Variants in ZNF486 observed in about 807,000 individuals in gnomAD.
The protein encoded by ZNF486 is zinc finger protein 486.
Under a neutral mutation model 12.8 loss-of-function variants are expected in ZNF486, and 12 were observed. The ratio of observed to expected loss-of-function variants is 0.94; its 90% confidence interval spans 0.60 to 1.52. The LOEUF (loss-of-function observed/expected upper bound fraction) is 1.52, where lower values mean the gene tolerates loss of function less well. ZNF486 is among the 40% of genes most tolerant of loss of function. The pLI is 0.00. For synonymous variants in ZNF486, 231 were observed against 184.9 expected (o/e 1.25, Z -2.02); for missense variants, 738 against 545.0 (o/e 1.35, Z -3.53).
chr19:20,191,569 A>G (rs368972757), intron 3 of ZNF486, among the ~76,000 whole-genome samples: 1 of 150,546 alleles, frequency 6.6e-6, no homozygotes, highest in African/African-American at 2.4e-5. Flanking sequence ...GGAGATCGAG[A>G]CTCTCCTGGC....
At chr19:20,182,047 CTA>C (rs1278668988) in intron 1 of ZNF486, among the ~76,000 whole-genome samples, 1 of 152,182 alleles carries the variant, frequency 6.6e-6, no homozygotes, top group Non-Finnish European at 1.5e-5. Flanking sequence ...TCAGTTTCCT[CTA>C]TAAACTTTAA....
Position 20,197,795 on chromosome 19 carries a change from C to T in ZNF486, c.1085C>T (p.Ser362Phe), listed in dbSNP as rs202203054. Reference sequence around the variant, plus strand: ...GAATGTGGCAAAGCCTTCACCCGCTCCTCACACCTTACTATGCATAAGATA... The same window carrying T: ...GAATGTGGCAAAGCCTTCACCCGCTTCTCACACCTTACTATGCATAAGATA... Reference protein sequence around the residue: ...CEECGKAFTRSSHLTMHKIIH... With the variant: ...CEECGKAFTRFSHLTMHKIIH... The change falls in exon 4 of 4, where the codon TCC becomes TTC. Residue 362 changes from serine to phenylalanine, a missense_variant. Coordinates refer to ENST00000335117, the MANE Select transcript of ZNF486 (RefSeq NM_052852.4). 42 of 1,613,772 alleles carry T rather than the reference C, an allele frequency of 2.6e-5. No individual in the cohort carries two copies. In the African/African-American group the frequency reaches 3.2e-4, roughly 12 times the overall value.
At chr19:20,191,359 T>C (rs1555717169) in intron 3 of ZNF486, among the ~76,000 whole-genome samples, 7 of 145,592 alleles carry the variant, frequency 4.8e-5, no homozygotes, top group Admixed American at 6.9e-5. Flanking sequence ...CTCAGCTACT[T>C]GGGAGGCTGA....
intron 3 of ZNF486, among the ~76,000 whole-genome samples, chr19:20,196,328 T>A (rs2089957743): frequency 6.6e-6 from 1 of 152,056 alleles, no homozygotes; most frequent in Admixed American, 6.6e-5. Flanking sequence ...CAATTTACTT[T>A]AAAAAAAAAT....
chr19:20,186,642 C>T (rs143583260), intron 3 of ZNF486, among the ~76,000 whole-genome samples: 25 of 151,942 alleles, frequency 1.6e-4, no homozygotes, highest in East Asian at 5.8e-4. Flanking sequence ...TTTAGTATCA[C>T]GTAACTTTTA....
chr19:20,184,381 C>A lies in ZNF486; in HGVS notation c.56C>A (p.Ala19Asp). The A allele has an allele frequency of 2.5e-6, 4 of 1,613,250 alleles. No individual in the cohort carries two copies. The highest frequency in any genetic ancestry group is 3.4e-6 in the Non-Finnish European group (4 of 1,179,604). The change falls in exon 2 of 4, where the codon GCT becomes GAT. Residue 19 changes from alanine to aspartate, a missense_variant. By Grantham distance (126) the Ala-to-Asp change is moderately radical (BLOSUM62 -2). Coordinates refer to ENST00000335117, the MANE Select transcript of ZNF486 (RefSeq NM_052852.4). Reference sequence around the variant, plus strand: ...GAATCATTGCAATTTAGAGATGTGGCTGTAGAATTCTCTCTGGAGGAGTGG... The same window carrying A: ...GAATCATTGCAATTTAGAGATGTGGATGTAGAATTCTCTCTGGAGGAGTGG... ...EMESLQFRDV[A>D]VEFSLEEWHC...
chr19:20,191,068 A>G (rs1316245312), intron 3 of ZNF486, among the ~76,000 whole-genome samples: 1 of 152,192 alleles, frequency 6.6e-6, no homozygotes, highest in African/African-American at 2.4e-5. Flanking sequence ...ATTACTCTTT[A>G]CCTTCCACCA....
chr19:20,171,194 C>G (rs917822221), intron 1 of ZNF486, among the ~76,000 whole-genome samples: 21 of 152,318 alleles, frequency 1.4e-4, no homozygotes, highest in Non-Finnish European at 2.4e-4. Context: ...GAACAAAACT[C>G]TGGGTGTTTG....
chr19:20,198,552 C>T lies in ZNF486; in HGVS notation c.*450C>T, dbSNP rs542209483. 2 of 174,570 alleles carry T rather than the reference C, an allele frequency of 1.1e-5. No homozygotes were observed. The highest frequency in any genetic ancestry group is 4.8e-5 in the African/African-American group (2 of 41,618). 10.8% of individuals were successfully genotyped at this position (174,570 alleles called of 1,614,324 possible). ...TTATTTATTTTTTGAGATGCAGTTT[C>T]ACTCTTGTGACCCGGGCTGTAGTGC... is the stretch of plus-strand genomic sequence containing the variant. On this transcript the variant is annotated 3_prime_UTR_variant, in exon 4 of 4. Transcript: ENST00000335117.
rs1555716051 is a variant in ZNF486 at position 20,184,459 on chromosome 19, A to G, written c.134A>G (p.Asn45Ser). Residue 45 changes from asparagine (N) to serine (S), a missense_variant, in exon 2 of 4, where the codon AAC becomes AGC. Physicochemically the swap from Asn to Ser is conservative, Grantham distance 46 (BLOSUM62 1). Coordinates refer to ENST00000335117, the MANE Select transcript of ZNF486 (RefSeq NM_052852.4). ...QNLYRDVMLE[N>S]YRHLVFLGII... ...TTATATAGGGATGTGATGTTAGAGA[A>G]CTACAGACACCTGGTCTTCCTTGGT... 6.2e-7 allele frequency: 1 copy of G among 1,612,656 alleles called. No homozygotes were observed. Among genetic ancestry groups the G allele is most frequent in the Non-Finnish European group, 8.5e-7 (1 of 1,179,414 alleles).
chr19:20,195,446 G>C (rs2089949071), intron 3 of ZNF486, among the ~76,000 whole-genome samples: 1 of 152,188 alleles, frequency 6.6e-6, no homozygotes, highest in African/African-American at 2.4e-5. Context: ...GGGATTACAG[G>C]AATGAGCCAC....
intron 1 of ZNF486, among the ~76,000 whole-genome samples, chr19:20,169,056 G>A (rs2089616671): frequency 6.6e-6 from 1 of 151,768 alleles, no homozygotes; most frequent in Admixed American, 6.6e-5. Flanking sequence ...GGCCAGGCTG[G>A]TGTCGAACTC....
At chr19:20,186,488 T>C (rs1342456331) in intron 3 of ZNF486, among the ~76,000 whole-genome samples, 1 of 152,148 alleles carries the variant, frequency 6.6e-6, no homozygotes, top group East Asian at 1.9e-4. Context: ...GTATTAGTTT[T>C]TGTTGCATTT....
chr19:20,170,242 A>G lies in ZNF486; in HGVS notation c.30+2882A>G, dbSNP rs184824230. Among the ~76,000 whole-genome samples, 73 of 152,090 alleles carry G rather than the reference A, an allele frequency of 4.8e-4. No homozygotes were observed. The East Asian group carries it at 0.013, about 27-fold the overall frequency. ...TCAGACTGAGGGTAGCTCAAAATTC[A>G]GGAGCCTGAGGGAGGGAGATAAATA... On this transcript the variant is annotated intron_variant, in intron 1 of 3. Transcript: ENST00000335117.
chr19:20,186,070 G>A lies in ZNF486; in HGVS notation c.241G>A (p.Ala81Thr). 1 of 1,586,954 alleles carries A rather than the reference G, an allele frequency of 6.3e-7. No homozygotes were observed. The highest frequency in any genetic ancestry group is 8.6e-7 in the Non-Finnish European group (1 of 1,169,526). Residue 81 changes from alanine to threonine, a missense_variant, in exon 3 of 4, where the codon GCC becomes ACC. Physicochemically the swap from Ala to Thr is moderately conservative, Grantham distance 58. Transcript: ENST00000335117. ...GACTATGAAGAGACATGAGATGATT[G>A]CCAAACCCCCAGGTAGGTGCGAATG... Reference protein sequence around the residue: ...PLTMKRHEMIAKPPVVCSHFA... With the variant: ...PLTMKRHEMITKPPVVCSHFA...
intron 1 of ZNF486, among the ~76,000 whole-genome samples, chr19:20,173,797 A>C (rs973480733): frequency 2.0e-5 from 3 of 151,686 alleles, no homozygotes; most frequent in Non-Finnish European, 4.4e-5. Flanking sequence ...GTGCCACTGC[A>C]CTCCAGCCTG....
chr19:20,173,709 G>T (rs2089674700), intron 1 of ZNF486, among the ~76,000 whole-genome samples: 1 of 152,022 alleles, frequency 6.6e-6, no homozygotes, highest in African/African-American at 2.4e-5. Flanking sequence ...GCGGGCGCCT[G>T]TAGTCCCAGC....
chr19:20,193,005 A>G (rs1211823436), intron 3 of ZNF486, among the ~76,000 whole-genome samples: 1 of 151,070 alleles, frequency 6.6e-6, no homozygotes, highest in Non-Finnish European at 1.5e-5. Flanking sequence ...TACTTTCTTA[A>G]TTTTCATTTT....
In ZNF486 at chr19:20,189,366, G is replaced by A. The variant is rs2089880891; in HGVS notation, c.253+3284G>A. On this transcript the variant is annotated intron_variant, in intron 3 of 3. Coordinates refer to ENST00000335117, the MANE Select transcript of ZNF486 (RefSeq NM_052852.4). Reference sequence around the variant, plus strand: ...ATTACAGGCTTGAGCACCTGGGCCTGGCCTGTGTTACGTATTTTGTAAATA... The same window carrying A: ...ATTACAGGCTTGAGCACCTGGGCCTAGCCTGTGTTACGTATTTTGTAAATA... 2.0e-5 allele frequency among the ~76,000 whole-genome samples: 3 copies of A among 152,236 alleles called. No individual in the cohort carries two copies. The South Asian group carries it at 6.2e-4, about 32-fold the overall frequency.
Sources: gnomAD v4.1 joint callset for allele counts (sites outside exome capture counted in the v4.1 genomes callset) on GRCh38, gnomAD v4.1.1 for gene constraint, MANE v1.5 for transcripts, NCBI Gene and HGNC (gene_info 2026-07-23, HGNC 2026-07-21) for gene names.